The following RASSF1 variants were observed in gnomAD, a reference collection of about 807,000 sequenced individuals.
The protein encoded by RASSF1 is Ras association domain family member 1.
RASSF1 carries 33 observed loss-of-function variants against 34.3 expected under a neutral mutation model. The ratio of observed to expected loss-of-function variants is 0.96; its 90% CI spans 0.73 to 1.29. RASSF1 has a LOEUF of 1.29. Among genes scored for constraint, RASSF1 ranks in the 50% most tolerant of loss-of-function variants. The pLI, the probability that RASSF1 is intolerant of heterozygous loss-of-function variation, is 0.00. For synonymous variants in RASSF1, 191 were observed against 195.0 expected, an observed-to-expected ratio of 0.98 and a Z score of 0.17; for missense variants, 445 against 471.8, an observed-to-expected ratio of 0.94 and a Z score of 0.53.
At chr3:50,340,195 A>G (rs1703312075) in intron 1 of RASSF1, among the ~76,000 whole-genome samples, 1 of 152,130 alleles carries the variant, frequency 6.6e-6, no homozygotes, top group Non-Finnish European at 1.5e-5. Flanking sequence ...CTTCACCCTA[A>G]AGGTTCTGGA....
At chr3:50,335,240 A>G (rs919036864) in intron 2 of RASSF1, among the ~76,000 whole-genome samples, 30 of 149,362 alleles carry the variant, frequency 2.0e-4, no homozygotes, top group Admixed American at 1.7e-3. Context: ...GAGCCACTGC[A>G]CCTGGCCTAA....
chr3:50,337,387 T>A (rs1477825035), intron 2 of RASSF1: 1 of 1,595,076 alleles, frequency 6.3e-7, no homozygotes. Context: ...GTCGCGTGCG[T>A]GCGTGTACGC....
chr3:50,332,288 G>A (rs1316942970), intron 2 of RASSF1, 134 bp from the exon 3 acceptor site: 1 of 683,558 alleles, frequency 1.5e-6, no homozygotes, highest in Non-Finnish European at 2.5e-6. Flanking sequence ...CATAGCTGGT[G>A]CCCACCCTGA....
Position 50,331,332 on chromosome 3 carries a change from AC to A in RASSF1, c.876+1del. The A allele has an allele frequency of 6.4e-7, 1 of 1,568,966 alleles. No individual in the cohort carries two copies. Among genetic ancestry groups the A allele is most frequent in the Non-Finnish European group, 8.7e-7 (1 of 1,150,218 alleles). On this transcript the variant is annotated splice_donor_variant, in intron 5 of 5. Transcript: ENST00000359365. LOFTEE classifies it high-confidence loss of function. ...CCAAGAAACTAAGAACTATGTACTC[AC>A]GTTCACCTCCCCAGAGTCATTTTCC...
At position 50,340,495 on chromosome 3, in the gene RASSF1, C is replaced by T. The variant is rs149145410; in HGVS notation, c.250+61G>A. 3.2e-3 allele frequency: 4,513 copies of T among 1,388,642 alleles called. 129 individuals carry two copies. The Admixed American group carries it at 0.074, about 23-fold the overall frequency. 86.0% of individuals were successfully genotyped at this position (1,388,642 alleles called of 1,614,324 possible). ...CCCTCTGCCGCGACTTGACCCGCGG[C>T]GACTGCGCTGCCCCTTGGCTGCCCC... is the stretch of plus-strand genomic sequence containing the variant. On this transcript the variant is annotated intron_variant, in intron 1 of 5. Coordinates refer to ENST00000359365, the MANE Select transcript of RASSF1 (RefSeq NM_007182.5).
chr3:50,331,100 T>C (rs1025319764), intron 5 of RASSF1, among the ~76,000 whole-genome samples: 4 of 152,208 alleles, frequency 2.6e-5, no homozygotes, highest in Non-Finnish European at 5.9e-5. Context: ...CAGAAGATTT[T>C]CCACACCAGG....
chr3:50,336,845 A>G (rs1703154580), intron 2 of RASSF1: 1 of 338,276 alleles, frequency 3.0e-6, no homozygotes, highest in Non-Finnish European at 5.4e-6. Flanking sequence ...GAACGCGGAA[A>G]TCGAGGTGCT....
rs145226348 is a variant in RASSF1, at chr3:50,331,774, G to A, written c.545C>T (p.Pro182Leu). The A allele has an allele frequency of 2.5e-6, 4 of 1,607,164 alleles. No individual in the cohort carries two copies. The highest frequency in any genetic ancestry group is 1.7e-5 in the Admixed American group (1 of 59,860). Residue 182 changes from proline to leucine, a missense_variant, in exon 4 of 6, where the codon CCA becomes CTA. Coordinates refer to ENST00000359365, the MANE Select transcript of RASSF1 (RefSeq NM_007182.5). The stretch of plus-strand genomic sequence containing the variant: ...CCGCCGGGCATCCTGCAAGGAGGGT[G>A]GCTTCTTGCTGGAGGGCACAGAGAC... ...RPVSVPSSKKPPSLQDARRGP... is the reference protein window; with the variant it reads ...RPVSVPSSKKLPSLQDARRGP...
intron 2 of RASSF1, among the ~76,000 whole-genome samples, chr3:50,334,974 G>C (rs1386492657): frequency 3.3e-5 from 5 of 151,876 alleles, no homozygotes; most frequent in Non-Finnish European, 1.5e-5. Flanking sequence ...TTTTGAGACA[G>C]AGTCTCGCTC....
chr3:50,335,895 C>T lies in RASSF1; in HGVS notation c.357+2010G>A, dbSNP rs138576009. 9.1e-4 allele frequency among the ~76,000 whole-genome samples: 138 copies of T among 152,056 alleles called. 2 individuals carry two copies. Among genetic ancestry groups the T allele is most frequent in the African/African-American group, 3.0e-3 (123 of 41,468 alleles). The stretch of plus-strand genomic sequence containing the variant: ...CATTGGCATTAGAGGTGTGAGCCAC[C>T]GTACTTGGCTTCCTTTTCTATTTTT... On this transcript the variant is annotated intron_variant, in intron 2 of 5. Coordinates refer to ENST00000359365, the MANE Select transcript of RASSF1 (RefSeq NM_007182.5).
At position 50,337,928 on chromosome 3, in the gene RASSF1, C is replaced by T. The variant is rs931043607; in HGVS notation, c.334G>A (p.Ala112Thr). 1.2e-6 allele frequency: 2 copies of T among 1,611,862 alleles called. No individual in the cohort carries two copies. Among genetic ancestry groups the T allele is most frequent in the Non-Finnish European group, 1.7e-6 (2 of 1,178,676 alleles). Residue 112 changes from alanine (A) to threonine (T), a missense_variant, in exon 2 of 6, where the codon GCG becomes ACG. Transcript: ENST00000359365. ...ACCACGTTCGTGTCCCGCTCCACCG[C>T]GGGTTCCCAGCCCAGGTCCCGGGGC... ...CGPRDLGWEPAVERDTNVDEP... is the reference protein window; with the variant it reads ...CGPRDLGWEPTVERDTNVDEP...
In RASSF1 at chr3:50,330,750, G is replaced by C. The variant is rs587731096; in HGVS notation, c.877-23C>G. ...CCACTGCAAGGGGCAAAAGGGGAGT[G>C]TACAGGCTGCAGAAGGGATGGCCAA... is the stretch of plus-strand genomic sequence containing the variant. On this transcript the variant is annotated intron_variant, in intron 5 of 5. Coordinates refer to ENST00000359365, the MANE Select transcript of RASSF1 (RefSeq NM_007182.5). This position sits in a 1 kb window ranked among gnomAD's most constrained non-coding sequence, Gnocchi z 4.5. The C allele has an allele frequency of 1.2e-6, 2 of 1,611,604 alleles. No individual in the cohort carries two copies. Among genetic ancestry groups the C allele is most frequent in the South Asian group, 2.2e-5 (2 of 90,994 alleles).
At position 50,330,834 on chromosome 3, in the gene RASSF1, G is replaced by T; in HGVS notation, c.877-107C>A. On this transcript the variant is annotated intron_variant, in intron 5 of 5. Coordinates refer to ENST00000359365, the MANE Select transcript of RASSF1 (RefSeq NM_007182.5). This position sits in a 1 kb window ranked among gnomAD's most constrained non-coding sequence, Gnocchi z 4.5. ...TCATGTTCACACAAGCTAGGACTGG[G>T]CTTTCTGATGTCAGGCTCTTGGCTG... The T allele has an allele frequency of 7.9e-7, 1 of 1,264,502 alleles. No homozygotes were observed. Among genetic ancestry groups the T allele is most frequent in the Non-Finnish European group, 1.1e-6 (1 of 922,468 alleles). The allele number at this position is 1,264,502 out of a possible 1,614,324, so 78.3% of individuals were successfully genotyped here. A position where few individuals can be genotyped will look rare whatever the true frequency, so the allele number is the denominator to read the frequency against.
Position 50,331,597 on chromosome 3 carries a change from T to C in RASSF1, c.722A>G (p.Lys241Arg). 6.2e-7 allele frequency: 1 copy of C among 1,602,772 alleles called. No homozygotes were observed. Among genetic ancestry groups the C allele is most frequent in the Non-Finnish European group, 8.5e-7 (1 of 1,170,686 alleles). Residue 241 changes from lysine (K) to arginine (R), a missense_variant, in exon 4 of 6, where the codon AAG becomes AGG. By Grantham distance (26) the Lys-to-Arg change is conservative. Transcript: ENST00000359365. ...CTCAGCGCGCTCAAAGAGTGCAAACTTGCGGGGGTCATCCACCACCAAGAA... is the reference window on the plus strand; with the variant it reads ...CTCAGCGCGCTCAAAGAGTGCAAACCTGCGGGGGTCATCCACCACCAAGAA... ...RKFLVVDDPRKFALFERAERH... is the reference protein window; with the variant it reads ...RKFLVVDDPRRFALFERAERH...
chr3:50,330,811 A>C lies in RASSF1; in HGVS notation c.877-84T>G. The C allele has an allele frequency of 6.9e-7, 1 of 1,440,058 alleles. No individual in the cohort carries two copies. Among genetic ancestry groups the C allele is most frequent in the Non-Finnish European group, 9.5e-7 (1 of 1,051,930 alleles). The allele number at this position is 1,440,058 out of a possible 1,614,324, so 89.2% of individuals were successfully genotyped here. On this transcript the variant is annotated intron_variant, in intron 5 of 5. Transcript: ENST00000359365. This position sits in a 1 kb window ranked among gnomAD's most constrained non-coding sequence, Gnocchi z 4.5. ...CCTCCCCAGAGAAGACTAGCACCTC[A>C]TGTTCACACAAGCTAGGACTGGGCT...
intron 1 of RASSF1, among the ~76,000 whole-genome samples, chr3:50,339,740 C>T (rs190195496): frequency 4.6e-4 from 70 of 152,244 alleles, no homozygotes; most frequent in African/African-American, 1.5e-3. Flanking sequence ...CCTCTTGTAC[C>T]GGATGAGAGG....
intron 2 of RASSF1, chr3:50,337,639 G>T: frequency 1.0e-6 from 1 of 993,652 alleles, no homozygotes; most frequent in Non-Finnish European, 1.5e-6. Context: ...TCTGGCCGGA[G>T]GCGAGGGCGG....
intron 2 of RASSF1, chr3:50,336,876 C>T (rs1703155770): frequency 2.2e-6 from 1 of 446,470 alleles, no homozygotes; most frequent in African/African-American, 2.1e-5. Context: ...GCTCGGTCGG[C>T]TTTAGTCATA....
intron 5 of RASSF1, 95 bp downstream of exon 5, chr3:50,331,239 G>T: frequency 9.8e-7 from 1 of 1,018,912 alleles, no homozygotes; most frequent in Non-Finnish European, 1.4e-6. Context: ...TGCAGGGCTT[G>T]TCTTCCAGCA....
Sources: gnomAD v4.1 joint callset for allele counts (sites outside exome capture counted in the v4.1 genomes callset) on GRCh38, gnomAD v4.1.1 for gene constraint, Gnocchi (gnomAD v3.1) non-coding constraint, MANE v1.5 for transcripts, NCBI Gene and HGNC (gene_info 2026-07-23, HGNC 2026-07-21) for gene names.